Variants in SUGCT observed in about 807,000 individuals in gnomAD.
The protein encoded by SUGCT is succinyl-CoA:glutarate-CoA transferase.
In SUGCT, 41 loss-of-function variants were observed where a neutral mutation model predicts 55.0. The observed-to-expected ratio is 0.74, with a 90% confidence interval of 0.58 to 0.97. The LOEUF (loss-of-function observed/expected upper bound fraction) is 0.97, where lower values mean the gene tolerates loss of function less well. SUGCT is among the 50% of genes least tolerant of loss of function. The pLI is 0.00. For missense variants in SUGCT, 568 were observed against 547.8 expected (o/e 1.04, Z -0.37); for synonymous variants, 187 against 200.4 (o/e 0.93, Z 0.56).
chr7:40,561,688 C>CTTTTT (rs777766517), intron 12 of SUGCT, among the ~76,000 whole-genome samples: 11 of 100,152 alleles, frequency 1.1e-4, no homozygotes, highest in Non-Finnish European at 1.2e-4. Flanking sequence ...TAAGCCGAGT[C>CTTTTT]TTTTTTTTTT....
At chr7:40,625,425 T>C (rs775403454) in intron 12 of SUGCT, among the ~76,000 whole-genome samples, 1 of 152,176 alleles carries the variant, frequency 6.6e-6, no homozygotes, top group Non-Finnish European at 1.5e-5. Context: ...AAGGTTCTTC[T>C]TGACTGCATT....
chr7:40,632,780 A>G (rs1191948280), intron 12 of SUGCT, among the ~76,000 whole-genome samples: 1 of 152,132 alleles, frequency 6.6e-6, no homozygotes, highest in African/African-American at 2.4e-5. Context: ...AAAGTCTTCC[A>G]TTTAGAATTT....
chr7:40,360,210 T>G (rs1467768527), intron 9 of SUGCT, among the ~76,000 whole-genome samples: 1 of 152,152 alleles, frequency 6.6e-6, no homozygotes, highest in Non-Finnish European at 1.5e-5. Flanking sequence ...GGCAGGGTTT[T>G]GCCATGTTGC....
the SUGCT span, among the ~76,000 whole-genome samples, chr7:40,942,933 G>C: frequency 1.3e-5 from 2 of 151,854 alleles, no homozygotes; most frequent in South Asian, 4.2e-4. Context: ...AAAAATATCT[G>C]TCTCTTTAGA....
chr7:40,909,218 T>C, the SUGCT span, among the ~76,000 whole-genome samples: 134,848 of 152,196 alleles, frequency 0.89, 60,021 homozygotes, highest in African/African-American at 0.97. Flanking sequence ...TCACCTGGAC[T>C]GGAGCTCTGC....
intron 12 of SUGCT, among the ~76,000 whole-genome samples, chr7:40,749,153 T>C (rs907161316): frequency 6.6e-6 from 1 of 152,222 alleles, no homozygotes; most frequent in Non-Finnish European, 1.5e-5. Context: ...GGAAATCATC[T>C]GCTATATTTA....
the SUGCT span, among the ~76,000 whole-genome samples, chr7:41,027,995 T>C: frequency 6.6e-6 from 1 of 152,118 alleles, no homozygotes; most frequent in Non-Finnish European, 1.5e-5. Context: ...TGGGTAGATA[T>C]TGGGATTTTC....
At chr7:40,202,565 A>G (rs941921897) in intron 6 of SUGCT, among the ~76,000 whole-genome samples, 19 of 152,080 alleles carry the variant, frequency 1.2e-4, no homozygotes, top group Admixed American at 1.2e-3. Context: ...GGTTTTTTTC[A>G]GAATCAGGCC....
At chr7:40,475,228 G>GT (rs1223264405) in intron 11 of SUGCT, among the ~76,000 whole-genome samples, 1 of 152,080 alleles carries the variant, frequency 6.6e-6, no homozygotes, top group Non-Finnish European at 1.5e-5. Flanking sequence ...CTAGCTTCTT[G>GT]TTTTTCACGA....
chr7:40,543,247 T>C (rs902048274), intron 12 of SUGCT, among the ~76,000 whole-genome samples: 1 of 152,216 alleles, frequency 6.6e-6, no homozygotes, highest in African/African-American at 2.4e-5. Flanking sequence ...CTGCTGAAAA[T>C]ATGATTTTAC....
intron 9 of SUGCT, among the ~76,000 whole-genome samples, chr7:40,319,481 G>A (rs931237160): frequency 2.6e-5 from 4 of 152,062 alleles, no homozygotes; most frequent in African/African-American, 9.7e-5. Context: ...TCTGAGTTTT[G>A]GGCTGTCTAT....
chr7:40,833,924 A>G (rs1423259923), intron 13 of SUGCT, among the ~76,000 whole-genome samples: 1 of 152,234 alleles, frequency 6.6e-6, no homozygotes, highest in Admixed American at 6.5e-5. Context: ...TTGAAAATCA[A>G]TAGAACCATT....
the SUGCT span, among the ~76,000 whole-genome samples, chr7:40,920,381 C>A: frequency 6.6e-6 from 1 of 152,110 alleles, no homozygotes; most frequent in Non-Finnish European, 1.5e-5. Context: ...AAGAATATCA[C>A]CAGAAGCCCT....
the SUGCT span, among the ~76,000 whole-genome samples, chr7:40,897,369 T>A: frequency 1.3e-5 from 2 of 151,640 alleles, no homozygotes; most frequent in African/African-American, 4.9e-5. Context: ...CATTAAGAAA[T>A]CATGTTGCAC....
chr7:40,511,211 C>A (rs530091121), intron 12 of SUGCT, among the ~76,000 whole-genome samples: 1 of 152,204 alleles, frequency 6.6e-6, no homozygotes, highest in African/African-American at 2.4e-5. Flanking sequence ...ATATCATGTA[C>A]CCCTTGGTAT....
intron 12 of SUGCT, among the ~76,000 whole-genome samples, chr7:40,582,454 T>C (rs963266568): frequency 1.3e-5 from 2 of 152,120 alleles, no homozygotes; most frequent in Non-Finnish European, 2.9e-5. Flanking sequence ...AGGCACAGGG[T>C]CTTGAGTTGA....
At chr7:40,590,437 A>G (rs149245661) in intron 12 of SUGCT, among the ~76,000 whole-genome samples, 2 of 152,208 alleles carry the variant, frequency 1.3e-5, no homozygotes, top group East Asian at 1.9e-4. Context: ...CAAACAGCCA[A>G]ATTGTGAATG....
At chr7:40,493,268 T>C (rs1791793281) in intron 11 of SUGCT, among the ~76,000 whole-genome samples, 1 of 152,194 alleles carries the variant, frequency 6.6e-6, no homozygotes, top group Non-Finnish European at 1.5e-5. Flanking sequence ...ATGAGGATAA[T>C]ACTGTATAGT....
rs528689856 is a variant in SUGCT at position 40,764,260 on chromosome 7, G to A, written c.1153+14763G>A. On this transcript the variant is annotated intron_variant, in intron 13 of 13. Coordinates refer to ENST00000335693, the MANE Select transcript of SUGCT (RefSeq NM_001193313.2). ...CCTTACCTCAGCTCACCACTGAGGAGTTTGTTCCTTGAGTAGAGAGAATGT... is the reference window on the plus strand; with the variant it reads ...CCTTACCTCAGCTCACCACTGAGGAATTTGTTCCTTGAGTAGAGAGAATGT... Among the ~76,000 whole-genome samples the A allele has an allele frequency of 2.0e-5, 3 of 152,258 alleles. No homozygotes were observed. The East Asian group carries it at 5.8e-4, about 29-fold the overall frequency.
Sources: allele counts gnomAD v4.1 joint callset (sites outside exome capture counted in the v4.1 genomes callset), GRCh38; gene constraint gnomAD v4.1.1; transcripts MANE v1.5; gene names NCBI Gene and HGNC (gene_info 2026-07-23, HGNC 2026-07-21).